Variants in HDAC4 observed in about 807,000 individuals in gnomAD.
HDAC4 encodes the protein histone deacetylase A.
Under a neutral mutation model 135.1 loss-of-function variants are expected in HDAC4, and 16 were observed. That is an observed-to-expected ratio of 0.12 (90% CI 0.08 to 0.18). The LOEUF (loss-of-function observed/expected upper bound fraction) is 0.18. HDAC4 is among the 10% of genes least tolerant of loss of function. The probability of loss-of-function intolerance (pLI) is 1.00; values close to 1 mark genes in which losing one functional copy is unlikely to be tolerated. For synonymous variants in HDAC4, 685 were observed against 653.4 expected, an observed-to-expected ratio of 1.05 and a Z score of -0.74; for missense variants, 1,143 against 1,511.8, an observed-to-expected ratio of 0.76 and a Z score of 4.05.
At chr2:239,174,441 T>C (rs1163597779) in intron 5 of HDAC4, among the ~76,000 whole-genome samples, 2 of 152,168 alleles carry the variant, frequency 1.3e-5, no homozygotes, top group East Asian at 3.8e-4. Context: ...TTATTGGTAA[T>C]CAAAGAAATG....
In HDAC4 at chr2:239,141,301, G is replaced by C. The variant is rs1338411160; in HGVS notation, c.866-1505C>G. On this transcript the variant is annotated intron_variant, in intron 8 of 26. Transcript: ENST00000543185. The surrounding 1 kb of genome is among the most constrained non-coding windows in gnomAD (Gnocchi z 4.9). ...AAGGGCAAACCAGGGTGTCCACCCA[G>C]AAGCCCTACACCAGCCGCTCCCCAT... Among the ~76,000 whole-genome samples the C allele has an allele frequency of 1.3e-5, 2 of 152,072 alleles. No individual in the cohort carries two copies. Among genetic ancestry groups the C allele is most frequent in the African/African-American group, 4.8e-5 (2 of 41,404 alleles).
chr2:239,187,414 G>A (rs897348232), intron 4 of HDAC4, among the ~76,000 whole-genome samples: 1 of 152,204 alleles, frequency 6.6e-6, no homozygotes. Flanking sequence ...TAAAACGAGT[G>A]GCCTCTTGAG....
At chr2:239,337,088 A>G (rs1340690885) in intron 2 of HDAC4, among the ~76,000 whole-genome samples, 1 of 152,208 alleles carries the variant, frequency 6.6e-6, no homozygotes, top group Non-Finnish European at 1.5e-5. Flanking sequence ...GAGGAAGACC[A>G]CGGGGGAAAG....
Position 239,306,617 on chromosome 2 carries a change from T to TAC in HDAC4, c.22+46059_22+46060dup, listed in dbSNP as rs1417855276. The stretch of plus-strand genomic sequence containing the variant: ...CCTAAACAAGGTCAAACACAGGCAC[T>TAC]ACATCAGGCACCCCATGTTCCCCCT... On this transcript the variant is annotated intron_variant, in intron 2 of 26. Transcript: ENST00000543185. The surrounding 1 kb of genome is among the most constrained non-coding windows in gnomAD (Gnocchi z 4.5). Among the ~76,000 whole-genome samples, 2 of 152,074 alleles carry TAC rather than the reference T, an allele frequency of 1.3e-5. No individual in the cohort carries two copies. Among genetic ancestry groups the TAC allele is most frequent in the Non-Finnish European group, 1.5e-5 (1 of 68,010 alleles).
chr2:239,080,832 ACT>A (rs2035244666), intron 22 of HDAC4: 1 of 550,654 alleles, frequency 1.8e-6, no homozygotes. Context: ...TGTCTCCATC[ACT>A]CTCTCACCAT....
chr2:239,212,356 C>G (rs1371844064), intron 3 of HDAC4, among the ~76,000 whole-genome samples: 1 of 151,854 alleles, frequency 6.6e-6, no homozygotes, highest in Non-Finnish European at 1.5e-5. Flanking sequence ...GGCACTGACC[C>G]GACTCCCTCA....
chr2:239,190,098 A>T (rs756171484), intron 3 of HDAC4, 21 bp from the exon 4 acceptor site: 10 of 1,590,924 alleles, frequency 6.3e-6, no homozygotes, highest in Non-Finnish European at 8.5e-6. Context: ...AACAAGCAGG[A>T]GAGCCGGTCA....
chr2:239,054,695 G>T, intron 25 of HDAC4, 54 bp downstream of exon 25: 1 of 1,099,290 alleles, frequency 9.1e-7, no homozygotes, highest in Non-Finnish European at 1.4e-6. Flanking sequence ...GGGGTGTGGT[G>T]CAGTCCCACC....
chr2:239,162,325 G>A (rs751845283), intron 6 of HDAC4: 5 of 456,492 alleles, frequency 1.1e-5, no homozygotes, highest in South Asian at 6.2e-5. Context: ...TCCTCCGCCA[G>A]GCCCCAGGCC....
chr2:239,295,687 C>T (rs1466423756), intron 2 of HDAC4, among the ~76,000 whole-genome samples: 1 of 152,186 alleles, frequency 6.6e-6, no homozygotes, highest in Non-Finnish European at 1.5e-5. Context: ...TGTTTTGTGT[C>T]TCGTTTACCA....
At chr2:239,369,353 C>T (rs1694444194) in intron 1 of HDAC4, among the ~76,000 whole-genome samples, 1 of 152,138 alleles carries the variant, frequency 6.6e-6, no homozygotes, top group South Asian at 2.1e-4. Context: ...AGCCGACTGC[C>T]CGGCGGGGGG....
chr2:239,361,116 AGTT>A (rs1440289223), intron 1 of HDAC4, among the ~76,000 whole-genome samples: 2 of 152,086 alleles, frequency 1.3e-5, no homozygotes, highest in African/African-American at 2.4e-5. Flanking sequence ...GACATTAAGT[AGTT>A]GTTTGTTTTC....
At chr2:239,120,072 T>C (rs1575097357) in intron 12 of HDAC4, among the ~76,000 whole-genome samples, 2 of 151,690 alleles carry the variant, frequency 1.3e-5, no homozygotes, top group Admixed American at 1.3e-4. Context: ...ACAGAGGAGG[T>C]GCTGGCCCCG....
intron 7 of HDAC4, among the ~76,000 whole-genome samples, chr2:239,151,783 G>A (rs909600909): frequency 2.6e-5 from 4 of 152,180 alleles, no homozygotes; most frequent in African/African-American, 7.2e-5. Flanking sequence ...TTCCTTAAAA[G>A]AGCCAGGACA....
intron 2 of HDAC4, among the ~76,000 whole-genome samples, chr2:239,319,770 A>T (rs928010405): frequency 6.6e-6 from 1 of 152,254 alleles, no homozygotes; most frequent in African/African-American, 2.4e-5. Flanking sequence ...TGGTTCTCAA[A>T]AACAGTCCTG....
chr2:239,321,147 A>C (rs1177365821), intron 2 of HDAC4, among the ~76,000 whole-genome samples: 2 of 152,146 alleles, frequency 1.3e-5, no homozygotes, highest in Non-Finnish European at 2.9e-5. Flanking sequence ...GCAGGTTCTA[A>C]AATCAAGATA....
intron 1 of HDAC4, among the ~76,000 whole-genome samples, chr2:239,353,166 A>T (rs1181582217): frequency 6.6e-6 from 1 of 152,116 alleles, no homozygotes; most frequent in African/African-American, 2.4e-5. Flanking sequence ...GGTGCATGCC[A>T]CCAGGCACAG....
Position 239,349,065 on chromosome 2 carries a change from C to A in HDAC4, c.22+3613G>T, listed in dbSNP as rs1201689612. On this transcript the variant is annotated intron_variant, in intron 2 of 26. Coordinates refer to ENST00000543185, the MANE Select transcript of HDAC4 (RefSeq NM_001378414.1). This position sits in a 1 kb window ranked among gnomAD's most constrained non-coding sequence, Gnocchi z 5.7. ...GAGAGGGGGCCCATGGGCGGCTGGA[C>A]TCCCCCAGCCCGGCCTGCCCAGGGA... Among the ~76,000 whole-genome samples the A allele has an allele frequency of 6.6e-6, 1 of 152,222 alleles. No homozygotes were observed. The highest frequency in any genetic ancestry group is 1.5e-5 in the Non-Finnish European group (1 of 68,034).
chr2:239,128,447 T>A (rs191224293), intron 11 of HDAC4, among the ~76,000 whole-genome samples: 2 of 151,964 alleles, frequency 1.3e-5, no homozygotes, highest in East Asian at 3.9e-4. Flanking sequence ...AAGAATTGCT[T>A]GAACCTGGGA....
Sources: allele counts gnomAD v4.1 joint callset (sites outside exome capture counted in the v4.1 genomes callset), GRCh38; gene constraint gnomAD v4.1.1; non-coding constraint Gnocchi (gnomAD v3.1); transcripts MANE v1.5; gene names NCBI Gene and HGNC (gene_info 2026-07-23, HGNC 2026-07-21).